Variants in CNTNAP2 observed in about 807,000 individuals in gnomAD.
The protein encoded by CNTNAP2 is contactin associated protein 2, also known as contactin-associated protein-like 2.
In CNTNAP2, 98 loss-of-function variants were observed where a neutral mutation model predicts 155.2. The observed-to-expected ratio is 0.63, with a 90% CI of 0.54 to 0.75. The LOEUF (loss-of-function observed/expected upper bound fraction) is 0.75. CNTNAP2 is among the 30% of genes least tolerant of loss of function. The pLI is 0.00. For synonymous variants in CNTNAP2, 651 were observed against 631.2 expected (o/e 1.03, Z -0.47); for missense variants, 1,727 against 1,688.1 (o/e 1.02, Z -0.40).
At position 147,277,902 on chromosome 7, in the gene CNTNAP2, C is replaced by T. The variant is rs770767462; in HGVS notation, c.1349-22239C>T. Among the ~76,000 whole-genome samples the T allele has an allele frequency of 1.8e-4, 27 of 151,538 alleles. 2 individuals carry two copies. The highest frequency in any genetic ancestry group is 3.0e-4 in the Non-Finnish European group (20 of 67,714). On this transcript the variant is annotated intron_variant, in intron 8 of 23. Transcript: ENST00000361727. ...AATTCAAACTTCTTAATTTGAAATT[C>T]GAAGTCCTTCATCATCTGGTTTCAA... is the stretch of plus-strand genomic sequence containing the variant.
rs575488523 is a variant in CNTNAP2 at position 148,392,085 on chromosome 7, TA to T, written c.3715+8198del. On this transcript the variant is annotated intron_variant, in intron 22 of 23. Coordinates refer to ENST00000361727, the MANE Select transcript of CNTNAP2 (RefSeq NM_014141.6). ...GATTGCAGCTAGTTGTTGTTGTTAT[TA>T]TTATTTGAGATGGAGTCTCGCTCTG... 3.3e-5 allele frequency among the ~76,000 whole-genome samples: 5 copies of T among 152,274 alleles called. No individual in the cohort carries two copies. The South Asian group carries it at 1.0e-3, about 32-fold the overall frequency.
At chr7:147,443,016 C>A (rs573040721) in intron 10 of CNTNAP2, among the ~76,000 whole-genome samples, 1 of 152,236 alleles carries the variant, frequency 6.6e-6, no homozygotes, top group African/African-American at 2.4e-5. Flanking sequence ...CCCTGGATAG[C>A]ATCTCAGGAG....
chr7:146,983,921 TAGA>T (rs1798067539), intron 3 of CNTNAP2, among the ~76,000 whole-genome samples: 1 of 152,186 alleles, frequency 6.6e-6, no homozygotes, highest in Non-Finnish European at 1.5e-5. Context: ...AAGACCTACT[TAGA>T]AGATGTTTTC....
At chr7:146,976,837 C>T in intron 3 of CNTNAP2, among the ~76,000 whole-genome samples, 1 of 152,162 alleles carries the variant, frequency 6.6e-6, no homozygotes, top group East Asian at 1.9e-4. Flanking sequence ...TCTGTCGATT[C>T]TTCTTGGCCT....
chr7:146,403,933 G>A (rs1355710158), intron 1 of CNTNAP2, among the ~76,000 whole-genome samples: 1 of 151,476 alleles, frequency 6.6e-6, no homozygotes, highest in Non-Finnish European at 1.5e-5. Context: ...AGACCATCCC[G>A]GCTAAAACGG....
intron 12 of CNTNAP2, among the ~76,000 whole-genome samples, chr7:147,621,873 T>C (rs935032159): frequency 2.0e-5 from 3 of 151,966 alleles, no homozygotes; most frequent in African/African-American, 7.2e-5. Flanking sequence ...TTTGATCTGT[T>C]GCCTACAAGG....
chr7:147,952,068 G>A (rs2116831070), intron 14 of CNTNAP2, among the ~76,000 whole-genome samples: 1 of 151,956 alleles, frequency 6.6e-6, no homozygotes, highest in Non-Finnish European at 1.5e-5. Flanking sequence ...CAAACTGAAT[G>A]TTAATGCCAA....
At chr7:146,249,681 A>G (rs1047441547) in intron 1 of CNTNAP2, among the ~76,000 whole-genome samples, 3 of 152,176 alleles carry the variant, frequency 2.0e-5, no homozygotes, top group Non-Finnish European at 2.9e-5. Context: ...CCACATAAGT[A>G]TTTGAAAACT....
At chr7:146,313,144 A>T (rs546262019) in intron 1 of CNTNAP2, among the ~76,000 whole-genome samples, 1 of 152,288 alleles carries the variant, frequency 6.6e-6, no homozygotes, top group South Asian at 2.1e-4. Context: ...CTATTTTCCA[A>T]AATAGGTGTA....
At chr7:146,611,082 G>A (rs1451995685) in intron 1 of CNTNAP2, among the ~76,000 whole-genome samples, 1 of 152,122 alleles carries the variant, frequency 6.6e-6, no homozygotes, top group Non-Finnish European at 1.5e-5. Context: ...GTATTTATAA[G>A]CAAAGCCGTT....
chr7:146,679,873 ATAAGACATTCTTTTTTT>A (rs1158295674), intron 1 of CNTNAP2, among the ~76,000 whole-genome samples: 1 of 152,216 alleles, frequency 6.6e-6, no homozygotes, highest in Non-Finnish European at 1.5e-5. Context: ...CAAATTAATT[ATAAGACATTCTTTTTTT>A]TAAGACATTC....
At chr7:147,691,433 G>A (rs1796086062) in intron 13 of CNTNAP2, among the ~76,000 whole-genome samples, 1 of 152,056 alleles carries the variant, frequency 6.6e-6, no homozygotes, top group Admixed American at 6.6e-5. Context: ...GCAGAGAAGA[G>A]CACAGAGAGA....
At position 147,972,390 on chromosome 7, in the gene CNTNAP2, T is replaced by TA. The variant is rs1444429997; in HGVS notation, c.2256-5467dup. Among the ~76,000 whole-genome samples, 5 of 152,210 alleles carry TA rather than the reference T, an allele frequency of 3.3e-5. No individual in the cohort carries two copies. In the East Asian group the frequency reaches 9.6e-4, roughly 29 times the overall value. ...ATTTGGTAGAAGAGCAGGCTTATTG[T>TA]AAAAACTGGGGATGTTTATTTTTCT... On this transcript the variant is annotated intron_variant, in intron 14 of 23. Coordinates refer to ENST00000361727, the MANE Select transcript of CNTNAP2 (RefSeq NM_014141.6).
intron 3 of CNTNAP2, among the ~76,000 whole-genome samples, chr7:146,916,249 G>C (rs1362101168): frequency 6.6e-6 from 1 of 152,012 alleles, no homozygotes; most frequent in African/African-American, 2.4e-5. Flanking sequence ...TTTTGCATCT[G>C]TGTTCATTAA....
intron 20 of CNTNAP2, among the ~76,000 whole-genome samples, chr7:148,234,600 G>A (rs768554451): frequency 4.6e-5 from 7 of 152,174 alleles, no homozygotes; most frequent in Non-Finnish European, 7.3e-5. Flanking sequence ...GCTGTTAGAT[G>A]CTGAAGCTCC....
At chr7:146,714,622 T>C (rs1049072546) in intron 1 of CNTNAP2, among the ~76,000 whole-genome samples, 5 of 152,326 alleles carry the variant, frequency 3.3e-5, no homozygotes, top group Non-Finnish European at 5.9e-5. Flanking sequence ...GAAATGTCCA[T>C]GGTCATAGGA....
At chr7:146,874,183 A>G (rs1795372781) in intron 3 of CNTNAP2, among the ~76,000 whole-genome samples, 4 of 152,152 alleles carry the variant, frequency 2.6e-5, no homozygotes, top group Admixed American at 2.6e-4. Flanking sequence ...TGTATATAAA[A>G]GATCCTGAAT....
At chr7:148,134,370 G>A (rs79758067) in intron 16 of CNTNAP2, among the ~76,000 whole-genome samples, 1,926 of 152,200 alleles carry the variant, frequency 0.013, 44 homozygotes, top group African/African-American at 0.044. Context: ...CCTGCATTCC[G>A]GTTCCTGTAT....
intron 2 of CNTNAP2, among the ~76,000 whole-genome samples, chr7:146,816,625 AT>A (rs1803176119): frequency 6.6e-6 from 1 of 152,212 alleles, no homozygotes; most frequent in South Asian, 2.1e-4. Context: ...GTTATCAGTA[AT>A]AACATGTCAG....
Sources: gnomAD v4.1 joint callset for allele counts (sites outside exome capture counted in the v4.1 genomes callset) on GRCh38, gnomAD v4.1.1 for gene constraint, MANE v1.5 for transcripts, NCBI Gene and HGNC (gene_info 2026-07-23, HGNC 2026-07-21) for gene names.